ZNF160: variants seen among roughly 807,000 people sequenced by gnomAD.
ZNF160 encodes zinc finger protein 160.
A neutral mutation model predicts 13.1 loss-of-function variants in ZNF160; 9 were observed. The observed-to-expected ratio is 0.69, with a 90% CI of 0.41 to 1.20. The LOEUF (loss-of-function observed/expected upper bound fraction) is 1.20, where lower values mean the gene tolerates loss of function less well. ZNF160 is among the 50% of genes most tolerant of loss of function. The pLI is 0.01. For missense variants in ZNF160, 838 were observed against 988.0 expected (o/e 0.85, Z 2.04); for synonymous variants, 293 against 333.2 (o/e 0.88, Z 1.31).
chr19:53,067,745 AT>A lies in ZNF160; in HGVS notation c.*331del, dbSNP rs1400235026. On this transcript the variant is annotated 3_prime_UTR_variant, in exon 6 of 6. Coordinates refer to ENST00000683776, the MANE Select transcript of ZNF160 (RefSeq NM_001322131.2). ...TGGACTTGTGAGTATTCTACAGTGT[AT>A]AATATCAAAGGCAAACAGGGAAACC... is the stretch of plus-strand genomic sequence containing the variant. 4.3e-6 allele frequency: 1 copy of A among 234,818 alleles called. No individual in the cohort carries two copies. Among genetic ancestry groups the A allele is most frequent in the Admixed American group, 4.9e-5 (1 of 20,420 alleles). The allele number at this position is 234,818 out of a possible 1,614,324, so 14.5% of individuals were successfully genotyped here. A position where few individuals can be genotyped will look rare whatever the true frequency, so the allele number is the denominator to read the frequency against.
intron 1 of ZNF160, among the ~76,000 whole-genome samples, chr19:53,094,952 T>C (rs528956167): frequency 7.9e-5 from 12 of 151,798 alleles, no homozygotes; most frequent in South Asian, 4.2e-4. Flanking sequence ...GGCTGCACCA[T>C]AGCAGCTTCC....
chr19:53,070,224 T>C lies in ZNF160; in HGVS notation c.310A>G (p.Lys104Glu). 1 of 1,606,300 alleles carries C rather than the reference T, an allele frequency of 6.2e-7. No homozygotes were observed. Among genetic ancestry groups the C allele is most frequent in the Non-Finnish European group, 8.5e-7 (1 of 1,177,044 alleles). ...PKCTIKDLLPKEKSSTEAVFH... is the reference protein window; with the variant it reads ...PKCTIKDLLPEEKSSTEAVFH... ...ACTGCTTCTGTACTGCTCTTCTCTT[T>C]TGGTAGCAAATCCTTGATTGTACAT... The change falls in exon 6 of 6, where the codon AAA becomes GAA. Residue 104 changes from lysine to glutamate, a missense_variant. Lys to Glu is a moderately conservative substitution (Grantham distance 56). This residue lies in a region of ZNF160 where 387 missense variants were observed against 402.3 expected (regional missense o/e 0.96). Transcript: ENST00000683776.
At chr19:53,071,778 C>T (rs537099855) in intron 5 of ZNF160, among the ~76,000 whole-genome samples, 35 of 152,184 alleles carry the variant, frequency 2.3e-4, no homozygotes, top group South Asian at 4.1e-4. Context: ...GCTGACCTCA[C>T]GGCACATACC....
chr19:53,075,002 A>C lies in ZNF160; in HGVS notation c.142+55T>G, dbSNP rs201898172. ...GGGCTCTCCAGGGACTCGTAAGGGA[A>C]AATGCAACAATAGACAAGAACAGAT... is the stretch of plus-strand genomic sequence containing the variant. On this transcript the variant is annotated intron_variant, in intron 4 of 5. Coordinates refer to ENST00000683776, the MANE Select transcript of ZNF160 (RefSeq NM_001322131.2). The C allele has an allele frequency of 5.9e-4, 951 of 1,611,976 alleles. 2 individuals are homozygous for C. Among genetic ancestry groups the C allele is most frequent in the Non-Finnish European group, 5.0e-4 (590 of 1,178,772 alleles).
Position 53,069,898 on chromosome 19 carries a change from G to A in ZNF160, c.636C>T (p.Asn212=), listed in dbSNP as rs754380273. ...GAAGTGGTGACACTGAGGAACCATT[G>A]TTGGTAGACTTCTCAACTTGATTAC... ...YECNQVEKST[N]NGSSVSPLQQ... The change falls in exon 6 of 6, where the codon AAC becomes AAT. Residue 212 remains asparagine (N), a synonymous_variant. Transcript: ENST00000683776. The surrounding 1 kb of genome is among the most constrained non-coding windows in gnomAD (Gnocchi z 4.4). The A allele has an allele frequency of 1.9e-6, 3 of 1,614,038 alleles. No homozygotes were observed. The highest frequency in any genetic ancestry group is 1.7e-6 in the Non-Finnish European group (2 of 1,180,038).
intron 3 of ZNF160, among the ~76,000 whole-genome samples, chr19:53,081,777 C>G (rs1420409033): frequency 6.6e-6 from 1 of 152,056 alleles, no homozygotes; most frequent in Non-Finnish European, 1.5e-5. Context: ...GATATGTACC[C>G]AAAGGAAAAT....
At chr19:53,100,927 G>A (rs564840516) in intron 1 of ZNF160, among the ~76,000 whole-genome samples, 2 of 151,788 alleles carry the variant, frequency 1.3e-5, no homozygotes, top group South Asian at 4.2e-4. Flanking sequence ...AGGTGGCAGT[G>A]AGCCAAGGTC....
At chr19:53,073,405 G>A (rs758858194) in intron 5 of ZNF160, 3 of 1,598,296 alleles carry the variant, frequency 1.9e-6, no homozygotes, top group African/African-American at 2.7e-5. Flanking sequence ...TGGAAGAAAT[G>A]GCCGAGGGAC....
chr19:53,092,760 G>A (rs1404222265), intron 1 of ZNF160, among the ~76,000 whole-genome samples: 1 of 152,202 alleles, frequency 6.6e-6, no homozygotes, highest in East Asian at 1.9e-4. Context: ...ATCCCCACAT[G>A]TGGAAGATTT....
At chr19:53,088,470 T>G (rs1156739112) in intron 2 of ZNF160, among the ~76,000 whole-genome samples, 1 of 151,884 alleles carries the variant, frequency 6.6e-6, no homozygotes, top group African/African-American at 2.4e-5. Context: ...CCCAGGAGTT[T>G]GAGACCAGCC....
chr19:53,100,127 G>A (rs1446999318), intron 1 of ZNF160, among the ~76,000 whole-genome samples: 1 of 152,200 alleles, frequency 6.6e-6, no homozygotes, highest in Non-Finnish European at 1.5e-5. Flanking sequence ...CAGCTATAGA[G>A]ATGAGCTCTC....
chr19:53,075,254 G>A (rs1279000305), intron 3 of ZNF160, 71 bp from the exon 4 acceptor site: 9 of 1,576,822 alleles, frequency 5.7e-6, no homozygotes, highest in Non-Finnish European at 7.8e-6. Context: ...AGGAGAAGAG[G>A]AGAAAAATGT....
intron 5 of ZNF160, among the ~76,000 whole-genome samples, chr19:53,073,903 A>G (rs578179328): frequency 2.7e-4 from 41 of 152,190 alleles, no homozygotes; most frequent in African/African-American, 9.6e-4. Flanking sequence ...CTCTTGCCTC[A>G]GCCTCCTGAG....
At chr19:53,088,888 G>A (rs770052252) in intron 2 of ZNF160, among the ~76,000 whole-genome samples, 9 of 152,216 alleles carry the variant, frequency 5.9e-5, no homozygotes, top group Non-Finnish European at 1.2e-4. Context: ...TGAGGGTTCA[G>A]TCGCACAGGA....
chr19:53,067,918 CAT>C lies in ZNF160; in HGVS notation c.*157_*158del, dbSNP rs555713942. 9.0e-4 allele frequency: 924 copies of C among 1,029,114 alleles called. No homozygotes were observed. The highest frequency in any genetic ancestry group is 1.2e-3 in the Admixed American group (44 of 36,652). 63.7% of individuals were successfully genotyped at this position (1,029,114 alleles called of 1,614,324 possible). A position where few individuals can be genotyped will look rare whatever the true frequency, so the allele number is the denominator to read the frequency against. On this transcript the variant is annotated 3_prime_UTR_variant, in exon 6 of 6. Transcript: ENST00000683776. ...CGAGGCCTGGATAGACCCTCTGCCACATATGTTTACATGATGTCTCTTGCTTA... is the reference window on the plus strand; with the variant it reads ...CGAGGCCTGGATAGACCCTCTGCCACATGTTTACATGATGTCTCTTGCTTA...
Position 53,069,455 on chromosome 19 carries a change from T to C in ZNF160, c.1079A>G (p.Gln360Arg). 6.2e-7 allele frequency: 1 copy of C among 1,614,046 alleles called. No homozygotes were observed. The highest frequency in any genetic ancestry group is 8.5e-7 in the Non-Finnish European group (1 of 1,180,014). Residue 360 changes from glutamine (Q) to arginine (R), a missense_variant, in exon 6 of 6, where the codon CAG becomes CGG. Transcript: ENST00000683776. This position sits in a 1 kb window ranked among gnomAD's most constrained non-coding sequence, Gnocchi z 4.4. ...FRGHSNLTTH[Q>R]LIHTGEKPFK... ...CGGTTTTTCTCCAGTATGAATTAAC[T>C]GATGGGTAGTTAGGTTTGAATGTCC...
At chr19:53,102,288 A>G (rs2085474297) in intron 1 of ZNF160, among the ~76,000 whole-genome samples, 1 of 151,706 alleles carries the variant, frequency 6.6e-6, no homozygotes, top group East Asian at 1.9e-4. Context: ...CTTCCCTGTT[A>G]CACCCGCTTA....
chr19:53,079,349 A>G (rs147222556), intron 3 of ZNF160, among the ~76,000 whole-genome samples: 5,637 of 152,060 alleles, frequency 0.037, 188 homozygotes, highest in Middle Eastern at 0.14. Flanking sequence ...TCAGGAGTTC[A>G]AGACCAGCCT....
intron 5 of ZNF160, chr19:53,073,271 G>A: frequency 1.3e-6 from 2 of 1,542,384 alleles, no homozygotes; most frequent in Non-Finnish European, 1.7e-6. Context: ...CGCACCCCAT[G>A]TAAGACTGAG....
Sources: gnomAD v4.1 joint callset for allele counts (sites outside exome capture counted in the v4.1 genomes callset) on GRCh38, gnomAD v4.1.1 for gene constraint, gnomAD v4.1.1 regional missense constraint, Gnocchi (gnomAD v3.1) non-coding constraint, MANE v1.5 for transcripts, NCBI Gene and HGNC (gene_info 2026-07-23, HGNC 2026-07-21) for gene names.